RHBDD1: variants seen among roughly 807,000 people sequenced by gnomAD.
RHBDD1 encodes rhomboid domain containing 1.
In RHBDD1, 38 loss-of-function variants were observed where a neutral mutation model predicts 36.3. That is an observed-to-expected ratio of 1.05 (90% CI 0.81 to 1.37). The LOEUF (loss-of-function observed/expected upper bound fraction) is 1.37. Ranked by LOEUF, RHBDD1 falls within the 40% of genes most tolerant of loss-of-function variation. The probability of loss-of-function intolerance (pLI) is 0.00; values close to 1 mark genes in which losing one functional copy is unlikely to be tolerated. For synonymous variants in RHBDD1, 151 were observed against 136.5 expected (o/e 1.11, Z -0.74); for missense variants, 393 against 377.6 (o/e 1.04, Z -0.34).
chr2:226,953,335 T>G (rs560357151), intron 8 of RHBDD1, among the ~76,000 whole-genome samples: 1 of 152,178 alleles, frequency 6.6e-6, no homozygotes, highest in Non-Finnish European at 1.5e-5. Flanking sequence ...AGCTGACACT[T>G]TTTGAAATTG....
chr2:226,943,621 A>G (rs2149172224), intron 8 of RHBDD1, among the ~76,000 whole-genome samples: 1 of 150,600 alleles, frequency 6.6e-6, no homozygotes, highest in Middle Eastern at 3.4e-3. Flanking sequence ...TGTGTCTTTA[A>G]ATAAGCTGGG....
chr2:226,968,697 G>T (rs1332207203), intron 8 of RHBDD1, among the ~76,000 whole-genome samples: 1 of 152,198 alleles, frequency 6.6e-6, no homozygotes, highest in African/African-American at 2.4e-5. Flanking sequence ...TGAAAATGGG[G>T]AATTTTTAAG....
At chr2:226,908,638 G>A in intron 6 of RHBDD1, 184 bp from the exon 7 acceptor site, 1 of 563,174 alleles carries the variant, frequency 1.8e-6, no homozygotes, top group Non-Finnish European at 3.2e-6. Context: ...TCCCTGTAGG[G>A]ACACACACAC....
intron 8 of RHBDD1, among the ~76,000 whole-genome samples, chr2:226,922,725 G>A (rs946930280): frequency 1.3e-5 from 2 of 151,876 alleles, no homozygotes; most frequent in Non-Finnish European, 2.9e-5. Flanking sequence ...CTTTTAGTGA[G>A]TGATGTTCTC....
intron 8 of RHBDD1, 146 bp from the exon 9 acceptor site, chr2:226,995,285 G>A: frequency 1.6e-6 from 1 of 645,098 alleles, no homozygotes; most frequent in Non-Finnish European, 2.8e-6. Flanking sequence ...ACTGACAGCT[G>A]AAGTTGAAAA....
intron 8 of RHBDD1, among the ~76,000 whole-genome samples, chr2:226,917,991 G>A (rs1027188702): frequency 2.6e-5 from 4 of 151,908 alleles, no homozygotes; most frequent in Admixed American, 2.0e-4. Flanking sequence ...TGAAAACTTT[G>A]ACAAAGAATT....
intron 5 of RHBDD1, among the ~76,000 whole-genome samples, chr2:226,878,735 C>T (rs1319066409): frequency 2.0e-5 from 3 of 152,190 alleles, no homozygotes; most frequent in African/African-American, 7.2e-5. Context: ...GAATTCCTGA[C>T]CCACAGAATC....
intron 8 of RHBDD1, among the ~76,000 whole-genome samples, chr2:226,950,678 C>T (rs544530553): frequency 6.6e-6 from 1 of 152,282 alleles, no homozygotes; most frequent in East Asian, 1.9e-4. Context: ...GCCATTCTAA[C>T]AAGTGTGAGG....
At chr2:226,822,523 T>C in the RHBDD1 span, among the ~76,000 whole-genome samples, 1 of 150,778 alleles carries the variant, frequency 6.6e-6, no homozygotes, top group Non-Finnish European at 1.5e-5. Flanking sequence ...TAATCCTAGC[T>C]ATACAGGAGG....
At chr2:226,871,377 C>T (rs866146019) in intron 5 of RHBDD1, among the ~76,000 whole-genome samples, 4 of 152,100 alleles carry the variant, frequency 2.6e-5, no homozygotes, top group African/African-American at 9.7e-5. Context: ...TTTACAAAAC[C>T]ACATTACTGT....
chr2:226,845,157 A>G lies in RHBDD1; in HGVS notation c.-91+5530A>G, dbSNP rs547251695. On this transcript the variant is annotated intron_variant, in intron 3 of 8. Transcript: ENST00000392062. ...ATTTCTGCTTTCAGGTTTCTTCTCTATATTTGTTATACTTTTTAAAAAATG... is the reference window on the plus strand; with the variant it reads ...ATTTCTGCTTTCAGGTTTCTTCTCTGTATTTGTTATACTTTTTAAAAAATG... Among the ~76,000 whole-genome samples, 3 of 152,254 alleles carry G rather than the reference A, an allele frequency of 2.0e-5. No individual in the cohort carries two copies. In the South Asian group the frequency reaches 6.2e-4, roughly 32 times the overall value.
chr2:226,884,458 T>C (rs1443509788), intron 5 of RHBDD1, among the ~76,000 whole-genome samples: 2 of 152,172 alleles, frequency 1.3e-5, no homozygotes, highest in Non-Finnish European at 2.9e-5. Context: ...AATTTGATTC[T>C]AATTTATCTC....
intron 8 of RHBDD1, among the ~76,000 whole-genome samples, chr2:226,975,635 T>C (rs868571895): frequency 2.0e-5 from 3 of 152,152 alleles, no homozygotes; most frequent in African/African-American, 7.2e-5. Flanking sequence ...CAAACTATTG[T>C]CCAATGCAGG....
intron 5 of RHBDD1, among the ~76,000 whole-genome samples, chr2:226,905,660 AGG>A (rs1947995811): frequency 6.6e-6 from 1 of 152,210 alleles, no homozygotes; most frequent in Admixed American, 6.5e-5. Flanking sequence ...GCTGGCTTGC[AGG>A]GAGACCAGCT....
chr2:226,913,511 A>G (rs932802097), intron 7 of RHBDD1, among the ~76,000 whole-genome samples: 6 of 152,198 alleles, frequency 3.9e-5, no homozygotes, highest in African/African-American at 1.4e-4. Flanking sequence ...TCTTCCAAAA[A>G]TGAACTTTTC....
intron 8 of RHBDD1, among the ~76,000 whole-genome samples, chr2:226,975,139 T>C (rs1201650615): frequency 1.3e-5 from 2 of 152,188 alleles, no homozygotes; most frequent in African/African-American, 4.8e-5. Flanking sequence ...TGAGCTCTCC[T>C]AGGGCCTCCC....
chr2:226,925,987 A>G (rs1453139901), intron 8 of RHBDD1, among the ~76,000 whole-genome samples: 1 of 152,066 alleles, frequency 6.6e-6, no homozygotes, highest in African/African-American at 2.4e-5. Flanking sequence ...GAGGGAGGAT[A>G]GAAGAGAGAA....
intron 5 of RHBDD1, among the ~76,000 whole-genome samples, chr2:226,900,143 T>A (rs751088803): frequency 3.9e-5 from 6 of 152,132 alleles, no homozygotes; most frequent in Non-Finnish European, 5.9e-5. Context: ...GTATACACAG[T>A]TTTTCTGAAG....
Position 226,846,612 on chromosome 2 carries a change from C to T in RHBDD1, c.-91+6985C>T, listed in dbSNP as rs538550310. ...TGCAAAAATTAACCAGGCATGGTGG[C>T]GGGTGCCTGTAGTCCCAGCTACTCA... On this transcript the variant is annotated intron_variant, in intron 3 of 8. Transcript: ENST00000392062. Among the ~76,000 whole-genome samples the T allele has an allele frequency of 4.3e-4, 65 of 151,970 alleles. 1 individual carries two copies. The highest frequency in any genetic ancestry group is 3.9e-3 in the Admixed American group (60 of 15,266).
Sources: gnomAD v4.1 joint callset for allele counts (sites outside exome capture counted in the v4.1 genomes callset) on GRCh38, gnomAD v4.1.1 for gene constraint, MANE v1.5 for transcripts, NCBI Gene and HGNC (gene_info 2026-07-23, HGNC 2026-07-21) for gene names.